CDH18: variants seen among roughly 807,000 people sequenced by gnomAD.
CDH18 encodes cadherin 18, also known as cadherin-18.
Under a neutral mutation model 67.9 loss-of-function variants are expected in CDH18, and 31 were observed. That is an observed-to-expected ratio of 0.46 (90% CI 0.34 to 0.62). The LOEUF is 0.62. CDH18 is among the 20% of genes least tolerant of loss of function. The probability of loss-of-function intolerance (pLI) is 0.01; values close to 1 mark genes in which losing one functional copy is unlikely to be tolerated. For missense variants in CDH18, 890 were observed against 975.5 expected (o/e 0.91, Z 1.17); for synonymous variants, 362 against 347.2 (o/e 1.04, Z -0.48).
At chr5:20,454,286 G>C (rs926209961) in intron 1 of CDH18, among the ~76,000 whole-genome samples, 3 of 151,850 alleles carry the variant, frequency 2.0e-5, no homozygotes, top group African/African-American at 7.3e-5. Context: ...TCTATTGATT[G>C]CTTATATTTA....
intron 2 of CDH18, among the ~76,000 whole-genome samples, chr5:20,003,105 C>G (rs955968446): frequency 6.6e-6 from 1 of 152,018 alleles, no homozygotes; most frequent in Non-Finnish European, 1.5e-5. Context: ...TGGATTTTGT[C>G]TGAAATCAGC....
intron 2 of CDH18, among the ~76,000 whole-genome samples, chr5:19,883,058 A>C (rs1235574594): frequency 2.0e-5 from 3 of 152,182 alleles, no homozygotes; most frequent in African/African-American, 4.8e-5. Context: ...CCTGAAACAG[A>C]AGAAATAATC....
At chr5:20,273,879 G>C (rs907757458) in intron 1 of CDH18, among the ~76,000 whole-genome samples, 4 of 152,076 alleles carry the variant, frequency 2.6e-5, no homozygotes, top group African/African-American at 9.7e-5. Context: ...CCTTTAAAAA[G>C]ATATGTTGAA....
intron 11 of CDH18, among the ~76,000 whole-genome samples, chr5:19,494,227 G>A (rs1007700540): frequency 1.1e-4 from 16 of 151,802 alleles, no homozygotes; most frequent in African/African-American, 2.2e-4. Context: ...TTTTTCCATC[G>A]ATTTATTTAT....
intron 2 of CDH18, among the ~76,000 whole-genome samples, chr5:20,173,791 G>A (rs1337133084): frequency 6.6e-6 from 1 of 152,058 alleles, no homozygotes; most frequent in African/African-American, 2.4e-5. Flanking sequence ...TATTCACTAA[G>A]ACAAATAGGG....
At chr5:20,376,563 T>TAA (rs529874090) in intron 1 of CDH18, among the ~76,000 whole-genome samples, 5 of 134,462 alleles carry the variant, frequency 3.7e-5, no homozygotes, top group African/African-American at 1.1e-4. Context: ...TTTGCTTAAT[T>TAA]AAAAAAAAAA....
At chr5:19,487,928 A>C (rs1740667739) in intron 11 of CDH18, among the ~76,000 whole-genome samples, 1 of 152,166 alleles carries the variant, frequency 6.6e-6, no homozygotes. Context: ...ATTGGTAAAA[A>C]TGTTGTGGGG....
At chr5:19,610,528 C>T (rs1748781957) in intron 6 of CDH18, among the ~76,000 whole-genome samples, 2 of 151,996 alleles carry the variant, frequency 1.3e-5, no homozygotes, top group Admixed American at 1.3e-4. Flanking sequence ...GCTATATTTA[C>T]TACAAACTAG....
Position 20,251,643 on chromosome 5 carries a change from G to C in CDH18, c.-518+3801C>G, listed in dbSNP as rs75203287. On this transcript the variant is annotated intron_variant, in intron 2 of 14. Coordinates refer to the CDH18 transcript ENST00000507958. ...AGCATTGAAGAAACATGCAGTGGTG[G>C]GGGATGAGGCAGGAGGGAGCTACAG... Among the ~76,000 whole-genome samples, 664 of 152,314 alleles carry C rather than the reference G, an allele frequency of 4.4e-3. 7 individuals carry two copies. Among genetic ancestry groups the C allele is most frequent in the African/African-American group, 0.015 (636 of 41,568 alleles).
intron 1 of CDH18, among the ~76,000 whole-genome samples, chr5:20,369,157 G>A (rs1742768468): frequency 6.6e-6 from 1 of 151,970 alleles, no homozygotes; most frequent in South Asian, 2.1e-4. Context: ...TAGAGGCTGG[G>A]AGAGTTTACT....
At chr5:20,391,780 A>C (rs1744882268) in intron 1 of CDH18, among the ~76,000 whole-genome samples, 1 of 152,010 alleles carries the variant, frequency 6.6e-6, no homozygotes, top group African/African-American at 2.4e-5. Context: ...TCACAATAGA[A>C]ACAAACTTGA....
chr5:20,071,766 T>C (rs1035274934), intron 2 of CDH18, among the ~76,000 whole-genome samples: 1 of 152,108 alleles, frequency 6.6e-6, no homozygotes, highest in African/African-American at 2.4e-5. Flanking sequence ...AATTGCATAC[T>C]TGTGCCATAA....
chr5:20,380,364 T>C (rs1743816322), intron 1 of CDH18, among the ~76,000 whole-genome samples: 1 of 152,200 alleles, frequency 6.6e-6, no homozygotes, highest in Non-Finnish European at 1.5e-5. Context: ...ATGGACTGTT[T>C]GACAGAAAAT....
At chr5:19,518,277 G>T (rs1461654930) in intron 10 of CDH18, among the ~76,000 whole-genome samples, 1 of 152,132 alleles carries the variant, frequency 6.6e-6, no homozygotes, top group Non-Finnish European at 1.5e-5. Context: ...CATGGGAAAT[G>T]TTAAATTAAT....
intron 2 of CDH18, among the ~76,000 whole-genome samples, chr5:19,914,316 TG>T (rs934362807): frequency 6.6e-6 from 1 of 152,102 alleles, no homozygotes; most frequent in African/African-American, 2.4e-5. Flanking sequence ...CTAAATCAAC[TG>T]TATAAAGTTA....
chr5:20,363,005 A>G (rs1485661284), intron 1 of CDH18, among the ~76,000 whole-genome samples: 1 of 152,104 alleles, frequency 6.6e-6, no homozygotes, highest in African/African-American at 2.4e-5. Context: ...TTTTTATTCT[A>G]TGTTCCAGGT....
intron 3 of CDH18, among the ~76,000 whole-genome samples, chr5:19,832,849 G>A (rs961502307): frequency 6.6e-6 from 1 of 151,904 alleles, no homozygotes; most frequent in Non-Finnish European, 1.5e-5. Context: ...GATGTGTGGT[G>A]TTATTTCTGA....
chr5:20,111,735 G>C (rs529702497), intron 2 of CDH18, among the ~76,000 whole-genome samples: 1 of 151,760 alleles, frequency 6.6e-6, no homozygotes, highest in African/African-American at 2.4e-5. Context: ...AGTAGAGATG[G>C]GGTTTCACCA....
Position 19,485,445 on chromosome 5 carries a change from C to G in CDH18, c.1631-1893G>C, listed in dbSNP as rs551651692. Among the ~76,000 whole-genome samples the G allele has an allele frequency of 3.4e-3, 515 of 151,974 alleles. 1 individual carries two copies. Among genetic ancestry groups the G allele is most frequent in the Non-Finnish European group, 4.3e-3 (293 of 67,974 alleles). ...TAATTTTTTGTATTTTTAGTAGAGA[C>G]GGGGTTTCACCGTGTTAGCCAGGAT... On this transcript the variant is annotated intron_variant, in intron 11 of 12. Transcript: ENST00000382275.
Sources: allele counts gnomAD v4.1 joint callset (sites outside exome capture counted in the v4.1 genomes callset), GRCh38; gene constraint gnomAD v4.1.1; transcripts MANE v1.5; gene names NCBI Gene and HGNC (gene_info 2026-07-23, HGNC 2026-07-21).